RPS6KC1: variants seen among roughly 807,000 people sequenced by gnomAD.
The protein encoded by RPS6KC1 is inactive ribosomal protein S6 kinase delta-1.
A neutral mutation model predicts 103.8 loss-of-function variants in RPS6KC1; 54 were observed. The observed-to-expected ratio is 0.52, with a 90% confidence interval of 0.42 to 0.65. The LOEUF (loss-of-function observed/expected upper bound fraction) is 0.65, where lower values mean the gene tolerates loss of function less well. RPS6KC1 is among the 30% of genes least tolerant of loss of function. The pLI is 0.00. For missense variants in RPS6KC1, 1,151 were observed against 1,253.8 expected (o/e 0.92, Z 1.24); for synonymous variants, 439 against 438.7 (o/e 1.00, Z -0.01).
chr1:213,149,963 G>GA (rs1230205526), intron 6 of RPS6KC1, among the ~76,000 whole-genome samples: 1 of 152,060 alleles, frequency 6.6e-6, no homozygotes, highest in Non-Finnish European at 1.5e-5. Flanking sequence ...AAATATATCA[G>GA]AAAAAATATT....
chr1:213,250,877 G>C (rs868189744), intron 12 of RPS6KC1, among the ~76,000 whole-genome samples: 4 of 152,174 alleles, frequency 2.6e-5, no homozygotes, highest in Non-Finnish European at 4.4e-5. Context: ...AGGTAGTGTA[G>C]TTGTCCTACA....
intron 1 of RPS6KC1, among the ~76,000 whole-genome samples, chr1:213,064,368 CTT>C (rs558717936): frequency 7.5e-5 from 9 of 120,630 alleles, no homozygotes; most frequent in Admixed American, 1.7e-4. Context: ...AATTTGTGAA[CTT>C]TTTTTTTTTT....
At position 213,082,947 on chromosome 1, in the gene RPS6KC1, A is replaced by G. The variant is rs1003684815; in HGVS notation, c.262+5131A>G. Among the ~76,000 whole-genome samples, 3 of 152,174 alleles carry G rather than the reference A, an allele frequency of 2.0e-5. No individual in the cohort carries two copies. In the South Asian group the frequency reaches 6.2e-4, roughly 32 times the overall value. On this transcript the variant is annotated intron_variant, in intron 3 of 14. Transcript: ENST00000366960. ...GGTTGTGCCTTACACATCCTCTCAA[A>G]TAGTAGGGCTTCGTGGAAGTGTAAG...
At chr1:213,588,290 CTCTG>C in the RPS6KC1 span, among the ~76,000 whole-genome samples, 1 of 151,174 alleles carries the variant, frequency 6.6e-6, no homozygotes, top group Non-Finnish European at 1.5e-5. Flanking sequence ...CCCCTAAAAC[CTCTG>C]TCTTTTTTTT....
chr1:213,607,133 C>T, the RPS6KC1 span, among the ~76,000 whole-genome samples: 1 of 152,174 alleles, frequency 6.6e-6, no homozygotes, highest in African/African-American at 2.4e-5. Context: ...ATGCTCTCCC[C>T]TGCAACTTCT....
chr1:213,252,665 T>C (rs2094566311), intron 12 of RPS6KC1, among the ~76,000 whole-genome samples: 1 of 152,202 alleles, frequency 6.6e-6, no homozygotes, highest in Non-Finnish European at 1.5e-5. Flanking sequence ...AAGAGAACTT[T>C]GGAATCCTTA....
chr1:213,814,290 G>A, the RPS6KC1 span, among the ~76,000 whole-genome samples: 729 of 152,344 alleles, frequency 4.8e-3, 8 homozygotes, highest in African/African-American at 0.017. Flanking sequence ...GGGCTTGGGC[G>A]AAGCCTAAAT....
At chr1:213,109,554 CTG>C (rs568220324) in intron 4 of RPS6KC1, among the ~76,000 whole-genome samples, 41 of 151,890 alleles carry the variant, frequency 2.7e-4, no homozygotes, top group African/African-American at 8.0e-4. Flanking sequence ...TTGAATTAAA[CTG>C]TTTTTTTTTC....
chr1:213,804,537 C>T, the RPS6KC1 span, among the ~76,000 whole-genome samples: 32 of 152,152 alleles, frequency 2.1e-4, 1 homozygote, highest in African/African-American at 7.5e-4. Flanking sequence ...TTTCTCAGTG[C>T]GGCCTCTCTG....
the RPS6KC1 span, among the ~76,000 whole-genome samples, chr1:213,704,619 T>C: frequency 3.7e-3 from 565 of 152,320 alleles, 2 homozygotes; most frequent in African/African-American, 0.013. Context: ...TTTCTCCAGA[T>C]TGGTCCCTGG....
At chr1:213,055,728 C>G (rs2077283168) in intron 1 of RPS6KC1, among the ~76,000 whole-genome samples, 1 of 152,064 alleles carries the variant, frequency 6.6e-6, no homozygotes, top group African/African-American at 2.4e-5. Flanking sequence ...ACAAAAATGC[C>G]TGTCCAGATT....
chr1:213,441,808 T>C, the RPS6KC1 span, among the ~76,000 whole-genome samples: 1 of 152,244 alleles, frequency 6.6e-6, no homozygotes, highest in African/African-American at 2.4e-5. Flanking sequence ...ATATCTGTTA[T>C]AGAGTATTAT....
the RPS6KC1 span, among the ~76,000 whole-genome samples, chr1:213,659,211 C>T: frequency 6.1e-3 from 930 of 152,120 alleles, 5 homozygotes; most frequent in Non-Finnish European, 9.8e-3. Context: ...GGGATCCACC[C>T]GACTTGGCCT....
At chr1:213,115,821 A>G (rs2083532866) in intron 4 of RPS6KC1, among the ~76,000 whole-genome samples, 1 of 152,198 alleles carries the variant, frequency 6.6e-6, no homozygotes, top group Non-Finnish European at 1.5e-5. Context: ...CGCAGTAGTC[A>G]TTCAGGAGCA....
the RPS6KC1 span, among the ~76,000 whole-genome samples, chr1:213,694,957 C>T: frequency 2.0e-5 from 3 of 152,172 alleles, no homozygotes; most frequent in East Asian, 3.9e-4. Context: ...AGTGTGAGAG[C>T]GGCACAGTAG....
At chr1:213,758,171 A>G in the RPS6KC1 span, among the ~76,000 whole-genome samples, 1 of 152,226 alleles carries the variant, frequency 6.6e-6, no homozygotes, top group Non-Finnish European at 1.5e-5. Context: ...TTATTTAAGA[A>G]AAACATTTTA....
the RPS6KC1 span, among the ~76,000 whole-genome samples, chr1:213,518,723 A>C: frequency 6.6e-6 from 1 of 152,248 alleles, no homozygotes; most frequent in Non-Finnish European, 1.5e-5. Context: ...GACCACACTC[A>C]TCAGCTGGAA....
At chr1:213,469,986 C>G in the RPS6KC1 span, among the ~76,000 whole-genome samples, 1 of 152,272 alleles carries the variant, frequency 6.6e-6, no homozygotes, top group African/African-American at 2.4e-5. Context: ...GTGCTCCAAC[C>G]TGGGTGACAG....
chr1:213,381,269 G>A, the RPS6KC1 span, among the ~76,000 whole-genome samples: 6 of 152,100 alleles, frequency 3.9e-5, no homozygotes, highest in Admixed American at 2.0e-4. Context: ...GTGAGGCTTG[G>A]GACGAGTCCT....
Sources: allele counts gnomAD v4.1 joint callset (sites outside exome capture counted in the v4.1 genomes callset), GRCh38; gene constraint gnomAD v4.1.1; transcripts MANE v1.5; gene names NCBI Gene and HGNC (gene_info 2026-07-23, HGNC 2026-07-21).